The following RBMS3 variants were observed in gnomAD, a reference collection of about 807,000 sequenced individuals.
RBMS3 encodes RNA binding motif single stranded interacting protein 3, also known as RNA-binding motif, single-stranded-interacting protein 3.
RBMS3 carries 27 observed loss-of-function variants against 66.8 expected under a neutral mutation model. The observed-to-expected ratio is 0.40, with a 90% CI of 0.30 to 0.56. The LOEUF is 0.56. Ranked by LOEUF, RBMS3 falls within the 20% of genes least tolerant of loss-of-function variation. RBMS3 has a pLI of 0.40. For missense variants in RBMS3, 513 were observed against 549.5 expected (o/e 0.93, Z 0.66); for synonymous variants, 188 against 183.0 (o/e 1.03, Z -0.22).
chr3:29,762,853 T>G, intron 5 of RBMS3, 57 bp from the exon 6 acceptor site: 1 of 1,214,900 alleles, frequency 8.2e-7, no homozygotes, highest in Non-Finnish European at 1.2e-6. Flanking sequence ...CCTTTACTTC[T>G]TAAGTTTCTT....
At chr3:29,487,946 A>G (rs1016047914) in intron 2 of RBMS3, among the ~76,000 whole-genome samples, 2 of 152,184 alleles carry the variant, frequency 1.3e-5, no homozygotes, top group African/African-American at 4.8e-5. Context: ...CTGGAGCCTA[A>G]TATAGTGGAT....
At chr3:29,450,851 G>A (rs1477829780) in intron 2 of RBMS3, among the ~76,000 whole-genome samples, 1 of 151,266 alleles carries the variant, frequency 6.6e-6, no homozygotes, top group East Asian at 1.9e-4. Context: ...TTCAAAGCAA[G>A]TACTATGCCC....
At chr3:29,939,695 T>C (rs2061345932) in intron 11 of RBMS3, among the ~76,000 whole-genome samples, 1 of 151,866 alleles carries the variant, frequency 6.6e-6, no homozygotes, top group Non-Finnish European at 1.5e-5. Context: ...CTGCACAGAT[T>C]GGTAAGCCAG....
At chr3:29,756,837 A>T (rs1379086657) in intron 5 of RBMS3, among the ~76,000 whole-genome samples, 1 of 152,178 alleles carries the variant, frequency 6.6e-6, no homozygotes, top group African/African-American at 2.4e-5. Flanking sequence ...AAAGAAATGC[A>T]TATGGCCAAG....
At chr3:29,804,826 G>A (rs1438024077) in intron 6 of RBMS3, among the ~76,000 whole-genome samples, 1 of 151,756 alleles carries the variant, frequency 6.6e-6, no homozygotes, top group Non-Finnish European at 1.5e-5. Flanking sequence ...TTTTTCTGAT[G>A]TATAAATAAA....
At chr3:29,998,259 TAA>T (rs1320571369) in intron 14 of RBMS3, among the ~76,000 whole-genome samples, 9 of 152,008 alleles carry the variant, frequency 5.9e-5, no homozygotes, top group Admixed American at 5.9e-4. Context: ...CTCAATGAAA[TAA>T]AAGAGGATAC....
At chr3:29,763,433 T>A (rs2055783359) in intron 6 of RBMS3, among the ~76,000 whole-genome samples, 1 of 152,070 alleles carries the variant, frequency 6.6e-6, no homozygotes, top group Non-Finnish European at 1.5e-5. Context: ...ATTTAGAAAC[T>A]AGTATAGCGA....
chr3:29,709,308 T>G (rs930101134), intron 4 of RBMS3, among the ~76,000 whole-genome samples: 1 of 152,184 alleles, frequency 6.6e-6, no homozygotes, highest in Non-Finnish European at 1.5e-5. Context: ...TTGGTAGCTC[T>G]TGTTAGCAAT....
intron 9 of RBMS3, among the ~76,000 whole-genome samples, chr3:29,899,020 G>T (rs940454480): frequency 7.9e-5 from 12 of 151,500 alleles, no homozygotes; most frequent in Non-Finnish European, 1.6e-4. Flanking sequence ...GTGTGTGTGA[G>T]TATATAAAAA....
At chr3:29,625,777 C>A (rs2149165465) in intron 4 of RBMS3, among the ~76,000 whole-genome samples, 1 of 151,936 alleles carries the variant, frequency 6.6e-6, no homozygotes, top group Admixed American at 6.6e-5. Flanking sequence ...TTAGAGCCAC[C>A]ATCCATCAGC....
chr3:29,401,276 G>A (rs1248475845), intron 1 of RBMS3, among the ~76,000 whole-genome samples: 1 of 152,008 alleles, frequency 6.6e-6, no homozygotes, highest in Admixed American at 6.6e-5. Flanking sequence ...AAAATTTGGT[G>A]TTTTATGTTG....
intron 12 of RBMS3, among the ~76,000 whole-genome samples, chr3:29,954,694 C>T (rs1374211263): frequency 6.6e-6 from 1 of 151,912 alleles, no homozygotes; most frequent in Non-Finnish European, 1.5e-5. Flanking sequence ...TCATGTAGAT[C>T]CTATTTCTAC....
chr3:29,853,291 G>A (rs946648745), intron 6 of RBMS3, among the ~76,000 whole-genome samples: 5 of 151,952 alleles, frequency 3.3e-5, no homozygotes, highest in Admixed American at 3.3e-4. Flanking sequence ...AGCTGCACAT[G>A]TACCCCTGAC....
At chr3:29,336,047 T>A (rs1162411075) in intron 1 of RBMS3, among the ~76,000 whole-genome samples, 6 of 152,182 alleles carry the variant, frequency 3.9e-5, no homozygotes, top group Non-Finnish European at 7.4e-5. Flanking sequence ...AAACCAGATC[T>A]TTTGCATCCC....
chr3:29,910,965 C>T (rs188758489), intron 10 of RBMS3, among the ~76,000 whole-genome samples: 1 of 152,048 alleles, frequency 6.6e-6, no homozygotes, highest in African/African-American at 2.4e-5. Context: ...ATTTTTCTCC[C>T]TGTTTTAGAA....
chr3:29,869,470 T>TACAC (rs563943463), intron 7 of RBMS3, among the ~76,000 whole-genome samples: 6 of 151,092 alleles, frequency 4.0e-5, no homozygotes, highest in Non-Finnish European at 7.4e-5. Flanking sequence ...TATATGTATA[T>TACAC]ACACACACAC....
At chr3:29,992,863 A>T (rs1358345339) in intron 14 of RBMS3, among the ~76,000 whole-genome samples, 1 of 149,638 alleles carries the variant, frequency 6.7e-6, no homozygotes, top group African/African-American at 2.4e-5. Context: ...TTCTCTTTAA[A>T]CTGACTTAGC....
At chr3:29,614,435 C>T (rs2048592232) in intron 4 of RBMS3, 2 of 152,090 alleles carry the variant, frequency 1.3e-5, no homozygotes, top group South Asian at 2.1e-4. Flanking sequence ...TTATTATATA[C>T]TTGAAAATTG....
At chr3:29,797,884 ACTT>A (rs2057252631) in intron 6 of RBMS3, 1 of 152,136 alleles carries the variant, frequency 6.6e-6, no homozygotes, top group African/African-American at 2.4e-5. Context: ...TGCTTAAACT[ACTT>A]ACCAATTCAG....
Sources: gnomAD v4.1 joint callset for allele counts (sites outside exome capture counted in the v4.1 genomes callset) on GRCh38, gnomAD v4.1.1 for gene constraint, MANE v1.5 for transcripts, NCBI Gene and HGNC (gene_info 2026-07-23, HGNC 2026-07-21) for gene names.